OTOGL: variants seen among roughly 807,000 people sequenced by gnomAD.
OTOGL encodes otogelin like, also known as otogelin-like protein.
A neutral mutation model predicts 318.5 loss-of-function variants in OTOGL; 285 were observed. The observed-to-expected ratio is 0.89, with a 90% CI of 0.81 to 0.99. The LOEUF (loss-of-function observed/expected upper bound fraction) is 0.99. OTOGL is among the 50% of genes least tolerant of loss of function. The pLI, the probability that OTOGL is intolerant of heterozygous loss-of-function variation, is 0.00. For missense variants in OTOGL, 2,899 were observed against 2,845.6 expected (o/e 1.02, Z -0.43); for synonymous variants, 987 against 936.5 (o/e 1.05, Z -0.99).
chr12:80,309,336 G>C (rs1277519007), intron 29 of OTOGL, among the ~76,000 whole-genome samples: 2 of 152,122 alleles, frequency 1.3e-5, no homozygotes, highest in African/African-American at 2.4e-5. Context: ...GTCCAAGAAA[G>C]GTTCCTGGAG....
chr12:80,242,982 T>C (rs937309193), intron 11 of OTOGL, among the ~76,000 whole-genome samples: 2 of 152,130 alleles, frequency 1.3e-5, no homozygotes, highest in African/African-American at 4.8e-5. Flanking sequence ...AAGGAAATGA[T>C]TTTAATTTTG....
chr12:80,294,798 C>T (rs959779261), intron 26 of OTOGL, among the ~76,000 whole-genome samples: 6 of 152,140 alleles, frequency 3.9e-5, no homozygotes, highest in Non-Finnish European at 8.8e-5. Flanking sequence ...ATCAAGACCT[C>T]TATGATCATT....
At chr12:80,229,189 A>T in intron 7 of OTOGL, 68 bp from the exon 8 acceptor site, 8 of 1,499,390 alleles carry the variant, frequency 5.3e-6, no homozygotes, top group Non-Finnish European at 7.3e-6. Context: ...GTAAACATAC[A>T]TTGTGGTTTT....
intron 24 of OTOGL, among the ~76,000 whole-genome samples, chr12:80,275,705 T>C (rs1883751922): frequency 6.6e-6 from 1 of 151,918 alleles, no homozygotes; most frequent in African/African-American, 2.4e-5. Flanking sequence ...CTGTGTCTTA[T>C]TTCAAGAAAT....
chr12:80,148,968 A>G (rs949137211), intron 1 of OTOGL, among the ~76,000 whole-genome samples: 1 of 152,016 alleles, frequency 6.6e-6, no homozygotes, highest in Non-Finnish European at 1.5e-5. Context: ...ATTTTTTTTC[A>G]AAGTTTTCAA....
At chr12:80,348,677 C>A (rs993469125) in intron 44 of OTOGL, among the ~76,000 whole-genome samples, 4 of 152,174 alleles carry the variant, frequency 2.6e-5, no homozygotes, top group African/African-American at 9.7e-5. Context: ...CCAGGGCTGT[C>A]AATGTCCTCT....
intron 1 of OTOGL, among the ~76,000 whole-genome samples, chr12:80,104,600 G>A (rs1869341987): frequency 6.6e-6 from 1 of 152,058 alleles, no homozygotes; most frequent in Admixed American, 6.6e-5. Context: ...TACGTTGGAG[G>A]GGTGAGAGCA....
At chr12:80,337,828 G>C (rs796227713) in intron 42 of OTOGL, among the ~76,000 whole-genome samples, 12 of 152,118 alleles carry the variant, frequency 7.9e-5, no homozygotes, top group African/African-American at 2.9e-4. Context: ...TATTTAAAAG[G>C]TTTAATTAAG....
At position 80,378,112 on chromosome 12, in the gene OTOGL, A is replaced by G; in HGVS notation, c.*64A>G. 13 of 1,248,996 alleles carry G rather than the reference A, an allele frequency of 1.0e-5. No homozygotes were observed. Among genetic ancestry groups the G allele is most frequent in the South Asian group, 1.4e-5 (1 of 70,204 alleles). 77.4% of individuals were successfully genotyped at this position (1,248,996 alleles called of 1,614,324 possible). On this transcript the variant is annotated 3_prime_UTR_variant, in exon 59 of 59. Transcript: ENST00000547103. ...TCAGATAGAATTAACTTTTATTGCTATTACTTAGGCATGTGGCAGATTTAT... is the reference window on the plus strand; with the variant it reads ...TCAGATAGAATTAACTTTTATTGCTGTTACTTAGGCATGTGGCAGATTTAT...
intron 1 of OTOGL, among the ~76,000 whole-genome samples, chr12:80,134,797 C>T (rs560792612): frequency 1.3e-5 from 2 of 152,288 alleles, no homozygotes; most frequent in African/African-American, 2.4e-5. Flanking sequence ...TCAGTAATCA[C>T]AAGAAGCCCA....
chr12:80,246,307 G>C (rs1045328616), intron 11 of OTOGL, among the ~76,000 whole-genome samples: 1 of 147,792 alleles, frequency 6.8e-6, no homozygotes, highest in African/African-American at 2.7e-5. Flanking sequence ...GTTTGTCATA[G>C]ATAGCTCTTA....
intron 24 of OTOGL, among the ~76,000 whole-genome samples, chr12:80,273,959 A>C (rs896880711): frequency 2.6e-5 from 4 of 152,068 alleles, no homozygotes; most frequent in Non-Finnish European, 5.9e-5. Context: ...AGATGGAAAA[A>C]TTAATTGATG....
intron 44 of OTOGL, among the ~76,000 whole-genome samples, chr12:80,346,312 G>A (rs969626059): frequency 1.2e-4 from 18 of 151,900 alleles, no homozygotes. Context: ...TTGAGATAAA[G>A]TTTCCCTTTC....
chr12:80,108,720 C>A (rs185261945), intron 1 of OTOGL, among the ~76,000 whole-genome samples: 339 of 147,024 alleles, frequency 2.3e-3, no homozygotes, highest in Non-Finnish European at 3.3e-3. Context: ...CACCTCCTTT[C>A]TTTAGTAACA....
At chr12:80,273,848 A>G (rs749368781) in intron 24 of OTOGL, among the ~76,000 whole-genome samples, 7 of 152,070 alleles carry the variant, frequency 4.6e-5, no homozygotes, top group Non-Finnish European at 8.8e-5. Flanking sequence ...GCAATATTTC[A>G]GAACTTTTTC....
At position 80,222,195 on chromosome 12, in the gene OTOGL, T is replaced by C; in HGVS notation, c.439T>C (p.Tyr147His). 6.3e-7 allele frequency: 1 copy of C among 1,598,298 alleles called. No homozygotes were observed. Among genetic ancestry groups the C allele is most frequent in the Non-Finnish European group, 8.5e-7 (1 of 1,178,784 alleles). The change falls in exon 7 of 59, where the codon TAC (tyrosine) becomes CAC (histidine). Residue 147 changes from tyrosine to histidine, a missense_variant. Coordinates refer to ENST00000547103, the MANE Select transcript of OTOGL (RefSeq NM_001378609.3). ...CTATTACTTCCCAGGAAACTGTTCT[T>C]ACATTTTTGCAAAGGACTGTGGTGA... ...IYYYFPGNCS[Y>H]IFAKDCGDLE...
chr12:80,134,278 A>G (rs1006321224), intron 1 of OTOGL, among the ~76,000 whole-genome samples: 1 of 152,158 alleles, frequency 6.6e-6, no homozygotes, highest in African/African-American at 2.4e-5. Context: ...TTCTATTTCC[A>G]TTTAGCAAAA....
chr12:80,203,045 T>C (rs1316222935), intron 1 of OTOGL, among the ~76,000 whole-genome samples: 1 of 152,200 alleles, frequency 6.6e-6, no homozygotes, highest in Admixed American at 6.5e-5. Context: ...ACTACTAATA[T>C]GTTATTTTGC....
chr12:80,284,658 T>C (rs2137649069), intron 26 of OTOGL, among the ~76,000 whole-genome samples: 1 of 152,364 alleles, frequency 6.6e-6, no homozygotes, highest in African/African-American at 2.4e-5. Context: ...CATATGTTTG[T>C]TGGCTGTATA....
Sources: gnomAD v4.1 joint callset for allele counts (sites outside exome capture counted in the v4.1 genomes callset) on GRCh38, gnomAD v4.1.1 for gene constraint, MANE v1.5 for transcripts, NCBI Gene and HGNC (gene_info 2026-07-23, HGNC 2026-07-21) for gene names.